Variants in DPP8 observed in about 807,000 individuals in gnomAD.
DPP8 encodes dipeptidyl peptidase 8.
In DPP8, 31 loss-of-function variants were observed where a neutral mutation model predicts 107.5. That is an observed-to-expected ratio of 0.29 (90% confidence interval 0.22 to 0.39). The LOEUF is 0.39. Among genes scored for constraint, DPP8 ranks in the 10% least tolerant of loss-of-function variants. The pLI is 1.00. For missense variants in DPP8, 842 were observed against 1,076.1 expected, an observed-to-expected ratio of 0.78 and a Z score of 3.04; for synonymous variants, 381 against 356.6, an observed-to-expected ratio of 1.07 and a Z score of -0.77.
intron 1 of DPP8, 92 bp from the exon 2 acceptor site, chr15:65,512,656 G>C: frequency 7.1e-7 from 1 of 1,414,792 alleles, no homozygotes; most frequent in Non-Finnish European, 9.6e-7. Flanking sequence ...GCGGGGGAGT[G>C]GGGAGGGCAA....
At chr15:65,450,266 C>A (rs2140325080) in intron 19 of DPP8, among the ~76,000 whole-genome samples, 1 of 152,212 alleles carries the variant, frequency 6.6e-6, no homozygotes, top group East Asian at 1.9e-4. Context: ...CTGTGCCGGG[C>A]TGATAGTTTA....
At chr15:65,456,414 T>C in intron 15 of DPP8, 43 bp from the exon 16 acceptor site, 1 of 1,575,206 alleles carries the variant, frequency 6.3e-7, no homozygotes, top group Non-Finnish European at 8.6e-7. Flanking sequence ...TGGAAGCATA[T>C]AAAAACCCAA....
intron 2 of DPP8, among the ~76,000 whole-genome samples, chr15:65,509,687 T>G (rs1469910249): frequency 6.6e-6 from 1 of 152,196 alleles, no homozygotes; most frequent in Non-Finnish European, 1.5e-5. Context: ...ATACCACGTT[T>G]GGAATAAGGG....
chr15:65,500,496 TTGG>T, intron 4 of DPP8, 107 bp downstream of exon 4: 1 of 776,756 alleles, frequency 1.3e-6, no homozygotes, highest in Non-Finnish European at 2.1e-6. Flanking sequence ...AATTTCTTTG[TTGG>T]TGGGTAAACT....
At chr15:65,506,372 AAAT>A (rs1418975921) in intron 3 of DPP8, among the ~76,000 whole-genome samples, 1 of 152,132 alleles carries the variant, frequency 6.6e-6, no homozygotes, top group Non-Finnish European at 1.5e-5. Context: ...CTCACTGTAA[AAAT>A]AATAATGAGA....
chr15:65,465,288 C>CAGG (rs985702862), intron 14 of DPP8, among the ~76,000 whole-genome samples: 1 of 151,310 alleles, frequency 6.6e-6, no homozygotes, highest in Non-Finnish European at 1.5e-5. Flanking sequence ...CTGCCTCAGC[C>CAGG]TCCTGAGTAG....
At position 65,446,559 on chromosome 15, in the gene DPP8, A is replaced by C. The variant is rs1303945702; in HGVS notation, c.*325T>G. 6.4e-6 allele frequency: 1 copy of C among 155,704 alleles called. No individual in the cohort carries two copies. The highest frequency in any genetic ancestry group is 1.8e-4 in the East Asian group (1 of 5,450). 9.6% of individuals were successfully genotyped at this position (155,704 alleles called of 1,614,324 possible). On this transcript the variant is annotated 3_prime_UTR_variant, in exon 20 of 20. Transcript: ENST00000300141. ...AAAAATACACTAATTAAGTTCATGA[A>C]GTTTATAATACTATTAAAAGTGAAA...
intron 6 of DPP8, among the ~76,000 whole-genome samples, chr15:65,489,341 T>C (rs889364291): frequency 3.3e-5 from 5 of 151,382 alleles, no homozygotes; most frequent in Non-Finnish European, 5.9e-5. Flanking sequence ...GCAAAGAGAA[T>C]TGAGGGGCCA....
intron 15 of DPP8, 109 bp downstream of exon 15, chr15:65,463,641 CATTAAAAGCAA>C: frequency 1.3e-6 from 1 of 781,028 alleles, no homozygotes; most frequent in Middle Eastern, 2.5e-4. Context: ...AAGACGGAGT[CATTAAAAGCAA>C]ATGCCCAACA....
chr15:65,467,372 A>G (rs905411273), intron 12 of DPP8, 149 bp from the exon 13 acceptor site: 2 of 722,686 alleles, frequency 2.8e-6, no homozygotes, highest in African/African-American at 3.6e-5. Context: ...ACCTGAGTTA[A>G]TTTTGCTTAT....
At chr15:65,476,012 A>G (rs2066354446) in intron 11 of DPP8, among the ~76,000 whole-genome samples, 1 of 152,166 alleles carries the variant, frequency 6.6e-6, no homozygotes, top group Non-Finnish European at 1.5e-5. Flanking sequence ...TCAGCCTCCC[A>G]AAGTGTTGGG....
chr15:65,463,070 C>T (rs2140451198), intron 15 of DPP8, among the ~76,000 whole-genome samples: 1 of 152,324 alleles, frequency 6.6e-6, no homozygotes, highest in South Asian at 2.1e-4. Context: ...GGAGAATTCA[C>T]TAGGCTACCA....
In DPP8 at chr15:65,474,794, T is replaced by C. The variant is rs73480750; in HGVS notation, c.1457-506A>G. ...TTTAAATGGTTAACTTAACGTTTTA[T>C]GAATTTCACTTCAATAAAAAAAGTC... On this transcript the variant is annotated intron_variant, in intron 11 of 19. Transcript: ENST00000300141. Among the ~76,000 whole-genome samples, 1,280 of 152,352 alleles carry C rather than the reference T, an allele frequency of 8.4e-3. 23 individuals are homozygous for C. The highest frequency in any genetic ancestry group is 0.03 in the African/African-American group (1,236 of 41,584).
At chr15:65,509,377 G>T (rs2070469288) in intron 2 of DPP8, among the ~76,000 whole-genome samples, 1 of 152,074 alleles carries the variant, frequency 6.6e-6, no homozygotes, top group Admixed American at 6.6e-5. Flanking sequence ...CTCCCTATAT[G>T]CTCCTAGTTC....
chr15:65,453,402 T>G (rs2064132836), intron 17 of DPP8, among the ~76,000 whole-genome samples: 1 of 152,190 alleles, frequency 6.6e-6, no homozygotes, highest in Non-Finnish European at 1.5e-5. Flanking sequence ...TTGACAGATT[T>G]AAACATTATA....
At chr15:65,495,810 A>C (rs1000700150) in intron 5 of DPP8, among the ~76,000 whole-genome samples, 1 of 150,250 alleles carries the variant, frequency 6.7e-6, no homozygotes, top group Non-Finnish European at 1.5e-5. Context: ...TGAACCCGAG[A>C]GGCGAAGGTT....
At chr15:65,467,637 C>T (rs1013412809) in intron 12 of DPP8, among the ~76,000 whole-genome samples, 4 of 152,094 alleles carry the variant, frequency 2.6e-5, no homozygotes, top group African/African-American at 9.7e-5. Context: ...CTCAGCCTCC[C>T]GAAGTATTGG....
chr15:65,442,734 TTTTC>T lies in DPP8; in HGVS notation c.*4146_*4149del, dbSNP rs755072707. ...TAAAAACAAACATACAAACACTACT[TTTTC>T]TTTATCTGTAAAGGACTTATGAAAT... On this transcript the variant is annotated 3_prime_UTR_variant, in exon 20 of 20. Coordinates refer to ENST00000300141, the MANE Select transcript of DPP8 (RefSeq NM_130434.5). 1.3e-5 allele frequency: 2 copies of T among 152,130 alleles called. No individual in the cohort carries two copies. Among genetic ancestry groups the T allele is most frequent in the African/African-American group, 2.4e-5 (1 of 41,394 alleles). The allele number at this position is 152,130 out of a possible 1,614,324, so 9.4% of individuals were successfully genotyped here. A position where few individuals can be genotyped will look rare whatever the true frequency, so the allele number is the denominator to read the frequency against.
Position 65,443,754 on chromosome 15 carries a change from G to A in DPP8, c.*3130C>T, listed in dbSNP as rs948478605. 6.6e-6 allele frequency: 1 copy of A among 152,122 alleles called. No homozygotes were observed. Among genetic ancestry groups the A allele is most frequent in the Non-Finnish European group, 1.5e-5 (1 of 68,022 alleles). The allele number at this position is 152,122 out of a possible 1,614,324, so 9.4% of individuals were successfully genotyped here. On this transcript the variant is annotated 3_prime_UTR_variant, in exon 20 of 20. Coordinates refer to ENST00000300141, the MANE Select transcript of DPP8 (RefSeq NM_130434.5). ...CATGGACTACTGTTTAGGTTCTTGT[G>A]AATCAGTCCAGTGTAAAAAATCACC...
Sources: allele counts gnomAD v4.1 joint callset (sites outside exome capture counted in the v4.1 genomes callset), GRCh38; gene constraint gnomAD v4.1.1; transcripts MANE v1.5; gene names NCBI Gene and HGNC (gene_info 2026-07-23, HGNC 2026-07-21).